The following TNFAIP8 variants were observed in gnomAD, a reference collection of about 807,000 sequenced individuals.
TNFAIP8 encodes the protein TNF alpha induced protein 8.
TNFAIP8 carries 7 observed loss-of-function variants against 13.3 expected under a neutral mutation model. The observed-to-expected ratio is 0.52, with a 90% CI of 0.30 to 0.99. TNFAIP8 has a LOEUF of 0.99. Ranked by LOEUF, TNFAIP8 falls within the 50% of genes least tolerant of loss-of-function variation. The pLI, the probability that TNFAIP8 is intolerant of heterozygous loss-of-function variation, is 0.07. For missense variants in TNFAIP8, 258 were observed against 236.9 expected, an observed-to-expected ratio of 1.09 and a Z score of -0.58; for synonymous variants, 94 against 87.6, an observed-to-expected ratio of 1.07 and a Z score of -0.41.
In TNFAIP8 at chr5:119,396,401, T is replaced by G. The variant is rs1288404426; in HGVS notation, c.*3020T>G. Reference sequence around the variant, plus strand: ...AGTTTTCTGTCTCGTGGAACTTCACTTCTAGGTGCTCACAATGACTTTTAA... The same window carrying G: ...AGTTTTCTGTCTCGTGGAACTTCACGTCTAGGTGCTCACAATGACTTTTAA... On this transcript the variant is annotated 3_prime_UTR_variant, in exon 2 of 2. Transcript: ENST00000504771. The G allele has an allele frequency of 1.3e-5, 2 of 152,256 alleles. No homozygotes were observed. Among genetic ancestry groups the G allele is most frequent in the African/African-American group, 2.4e-5 (1 of 41,458 alleles). The allele number at this position is 152,256 out of a possible 1,614,324, so 9.4% of individuals were successfully genotyped here.
At chr5:119,275,132 C>T (rs1748400214) in intron 1 of TNFAIP8, among the ~76,000 whole-genome samples, 1 of 151,746 alleles carries the variant, frequency 6.6e-6, no homozygotes, top group Non-Finnish European at 1.5e-5. Context: ...AAATGAACAC[C>T]TATGTACCCA....
At chr5:119,326,796 A>C (rs2112698885) in intron 1 of TNFAIP8, among the ~76,000 whole-genome samples, 1 of 152,250 alleles carries the variant, frequency 6.6e-6, no homozygotes, top group South Asian at 2.1e-4. Flanking sequence ...GAAGAGGGAG[A>C]GTGGGACCCA....
At chr5:119,306,875 T>G (rs1749583451) in intron 1 of TNFAIP8, among the ~76,000 whole-genome samples, 1 of 152,188 alleles carries the variant, frequency 6.6e-6, no homozygotes. Context: ...TAAGACATCT[T>G]TCTCTTTTTC....
intron 1 of TNFAIP8, among the ~76,000 whole-genome samples, chr5:119,370,503 G>C (rs1385108677): frequency 6.6e-6 from 1 of 152,152 alleles, no homozygotes; most frequent in African/African-American, 2.4e-5. Context: ...TTATCTTCCT[G>C]CCTGGAAGTT....
At chr5:119,381,921 C>CA (rs932622732) in intron 1 of TNFAIP8, among the ~76,000 whole-genome samples, 6 of 150,682 alleles carry the variant, frequency 4.0e-5, no homozygotes, top group South Asian at 2.1e-4. Context: ...GACTCCGTCT[C>CA]AAAAAAAATA....
upstream of TNFAIP8, chr5:119,355,360 G>T (rs1255956425): frequency 1.4e-6 from 1 of 702,466 alleles, no homozygotes; most frequent in East Asian, 2.7e-5. Flanking sequence ...TACTGAATGA[G>T]TAAGCAGCCC....
chr5:119,340,174 C>T (rs1277533109), intron 1 of TNFAIP8, among the ~76,000 whole-genome samples: 14 of 152,288 alleles, frequency 9.2e-5, no homozygotes, highest in African/African-American at 2.9e-4. Context: ...GCTGGAGTAT[C>T]GGATTCCAAA....
At chr5:119,387,696 G>A (rs1190054203) in intron 1 of TNFAIP8, among the ~76,000 whole-genome samples, 2 of 151,802 alleles carry the variant, frequency 1.3e-5, no homozygotes, top group East Asian at 3.9e-4. Context: ...TTATAATTTT[G>A]ATGCTAAAGC....
chr5:119,355,301 C>T, upstream of TNFAIP8: 5 of 701,602 alleles, frequency 7.1e-6, no homozygotes, highest in South Asian at 1.5e-5. Flanking sequence ...GTAACTGCAG[C>T]AATGAGTGCC....
intron 1 of TNFAIP8, among the ~76,000 whole-genome samples, chr5:119,298,911 C>T (rs1200576182): frequency 1.3e-5 from 2 of 152,226 alleles, no homozygotes; most frequent in Non-Finnish European, 2.9e-5. Flanking sequence ...GCTCCTGAGG[C>T]TTCTGCATTC....
intron 1 of TNFAIP8, among the ~76,000 whole-genome samples, chr5:119,293,357 T>A (rs1399088387): frequency 1.3e-5 from 2 of 152,146 alleles, no homozygotes; most frequent in Admixed American, 1.3e-4. Flanking sequence ...CATCTCCCCA[T>A]CCCCCAACCT....
chr5:119,294,152 C>A (rs566450368), intron 1 of TNFAIP8, among the ~76,000 whole-genome samples: 1 of 151,594 alleles, frequency 6.6e-6, no homozygotes, highest in African/African-American at 2.4e-5. Flanking sequence ...CCCATTAACT[C>A]GTCATTTAGC....
At chr5:119,381,867 G>A (rs1752497789) in intron 1 of TNFAIP8, among the ~76,000 whole-genome samples, 1 of 152,028 alleles carries the variant, frequency 6.6e-6, no homozygotes, top group Non-Finnish European at 1.5e-5. Context: ...GGGAGGTGGA[G>A]GTTGCAGTGA....
intron 1 of TNFAIP8, among the ~76,000 whole-genome samples, chr5:119,310,282 A>G (rs909383827): frequency 6.6e-6 from 1 of 151,952 alleles, no homozygotes; most frequent in Non-Finnish European, 1.5e-5. Context: ...GAGGCTAGAA[A>G]CATGGTAAGG....
chr5:119,335,323 C>G (rs1377560115), intron 1 of TNFAIP8, among the ~76,000 whole-genome samples: 1 of 152,130 alleles, frequency 6.6e-6, no homozygotes, highest in Admixed American at 6.5e-5. Context: ...CTCCCCAAAT[C>G]ACATTAATTT....
At chr5:119,301,596 C>A (rs62375091) in intron 1 of TNFAIP8, among the ~76,000 whole-genome samples, 20,232 of 152,208 alleles carry the variant, frequency 0.13, 1,539 homozygotes, top group Non-Finnish European at 0.17. Flanking sequence ...TTACTCAGGT[C>A]TGAGTCTAGC....
At chr5:119,291,803 G>C (rs988515576) in intron 1 of TNFAIP8, among the ~76,000 whole-genome samples, 6 of 152,170 alleles carry the variant, frequency 3.9e-5, no homozygotes, top group Non-Finnish European at 8.8e-5. Flanking sequence ...GAAAGTTGGA[G>C]ATTTCTTCTT....
chr5:119,361,258 T>A (rs180829615), intron 1 of TNFAIP8, among the ~76,000 whole-genome samples: 1 of 152,160 alleles, frequency 6.6e-6, no homozygotes, highest in Non-Finnish European at 1.5e-5. Context: ...GACCAAGATA[T>A]CTGAAAGAGC....
intron 1 of TNFAIP8, among the ~76,000 whole-genome samples, chr5:119,298,127 A>G (rs184578491): frequency 0.01 from 1,544 of 152,076 alleles, 16 homozygotes; most frequent in African/African-American, 0.035. Context: ...ATATTGTTAT[A>G]TGTGAATTTG....
Sources: allele counts gnomAD v4.1 joint callset (sites outside exome capture counted in the v4.1 genomes callset), GRCh38; gene constraint gnomAD v4.1.1; transcripts MANE v1.5; gene names NCBI Gene and HGNC (gene_info 2026-07-23, HGNC 2026-07-21).